The following PRKAR1A variants were observed in gnomAD, a reference collection of about 807,000 sequenced individuals.
PRKAR1A encodes cAMP-dependent protein kinase type I-alpha regulatory subunit.
In PRKAR1A, 3 loss-of-function variants were observed where a neutral mutation model predicts 52.0. The observed-to-expected ratio is 0.06, with a 90% CI of 0.03 to 0.15. The LOEUF (loss-of-function observed/expected upper bound fraction) is 0.15, where lower values mean the gene tolerates loss of function less well. PRKAR1A is among the 10% of genes least tolerant of loss of function. PRKAR1A has a pLI of 1.00. For synonymous variants in PRKAR1A, 188 were observed against 168.4 expected (o/e 1.12, Z -0.90); for missense variants, 240 against 477.4 (o/e 0.50, Z 4.63).
the PRKAR1A span, among the ~76,000 whole-genome samples, chr17:68,468,927 G>T: frequency 1.3e-5 from 2 of 152,120 alleles, no homozygotes; most frequent in Non-Finnish European, 2.9e-5. Flanking sequence ...CCAGGGATCT[G>T]TTCCACAGAT....
At chr17:68,540,939 A>C in intron 11 of PRKAR1A, 1 of 1,594,958 alleles carries the variant, frequency 6.3e-7, no homozygotes, top group Non-Finnish European at 8.5e-7. Flanking sequence ...GTGTCACAGT[A>C]AAGGGGATTG....
chr17:68,468,614 C>T, the PRKAR1A span, among the ~76,000 whole-genome samples: 1 of 152,112 alleles, frequency 6.6e-6, no homozygotes, highest in Non-Finnish European at 1.5e-5. Flanking sequence ...CCTATTATGT[C>T]CATGATCTCC....
chr17:68,545,021 T>A (rs1299403524), intron 11 of PRKAR1A, among the ~76,000 whole-genome samples: 1 of 152,266 alleles, frequency 6.6e-6, no homozygotes, highest in Non-Finnish European at 1.5e-5. Flanking sequence ...TATAAATCTT[T>A]ATGTTCCTAA....
In PRKAR1A at chr17:68,531,059, T is replaced by C; in HGVS notation, c.*610T>C. On this transcript the variant is annotated 3_prime_UTR_variant, in exon 11 of 11. Transcript: ENST00000589228. ...TTTCCAGAGTTGTTGTTTGCCAAGC[T>C]AATCTGCCTGGTTTTATTTATATCT... The C allele has an allele frequency of 3.7e-6, 4 of 1,068,076 alleles. No individual in the cohort carries two copies. Among genetic ancestry groups the C allele is most frequent in the Non-Finnish European group, 4.5e-6 (4 of 881,534 alleles). 66.2% of individuals were successfully genotyped at this position (1,068,076 alleles called of 1,614,324 possible). A position where few individuals can be genotyped will look rare whatever the true frequency, so the allele number is the denominator to read the frequency against.
chr17:68,521,482 C>T (rs1013544207), intron 2 of PRKAR1A, among the ~76,000 whole-genome samples: 13 of 152,238 alleles, frequency 8.5e-5, no homozygotes, highest in East Asian at 5.8e-4. Flanking sequence ...CTGCCACCTT[C>T]GGCCTCCCAA....
chr17:68,536,323 A>C (rs1156830330), downstream of PRKAR1A: 1 of 454,060 alleles, frequency 2.2e-6, no homozygotes, highest in Non-Finnish European at 4.4e-6. Context: ...TTGTTGACTG[A>C]CTAGTCACTC....
At chr17:68,441,220 A>G in the PRKAR1A span, 1 of 152,258 alleles carries the variant, frequency 6.6e-6, no homozygotes, top group Non-Finnish European at 1.5e-5. Flanking sequence ...CTGTCTGGCC[A>G]AGCTCTTTAA....
the PRKAR1A span, among the ~76,000 whole-genome samples, chr17:68,437,201 T>C: frequency 6.6e-6 from 1 of 152,142 alleles, no homozygotes; most frequent in African/African-American, 2.4e-5. Flanking sequence ...GATGATTATA[T>C]ACTGTTGGCC....
the PRKAR1A span, among the ~76,000 whole-genome samples, chr17:68,458,542 G>A: frequency 6.6e-6 from 1 of 152,114 alleles, no homozygotes; most frequent in Non-Finnish European, 1.5e-5. Context: ...AGACCTATCC[G>A]ATCCGCAGCT....
At chr17:68,480,372 G>A in the PRKAR1A span, among the ~76,000 whole-genome samples, 1 of 152,064 alleles carries the variant, frequency 6.6e-6, no homozygotes, top group African/African-American at 2.4e-5. Flanking sequence ...TGTTTCTTCT[G>A]TTAGGTGCCC....
chr17:68,498,168 G>T, the PRKAR1A span, among the ~76,000 whole-genome samples: 1 of 152,120 alleles, frequency 6.6e-6, no homozygotes, highest in Non-Finnish European at 1.5e-5. Flanking sequence ...TTGGCAGCTG[G>T]TGCACTTCCT....
chr17:68,540,649 T>G, intron 11 of PRKAR1A: 1 of 709,676 alleles, frequency 1.4e-6, no homozygotes, highest in Non-Finnish European at 2.5e-6. Flanking sequence ...GACGACCCCT[T>G]GAGCTTCTTC....
chr17:68,462,399 A>G, the PRKAR1A span, among the ~76,000 whole-genome samples: 1 of 152,236 alleles, frequency 6.6e-6, no homozygotes, highest in Admixed American at 6.5e-5. Flanking sequence ...GCATCTTCGC[A>G]CTGGTCAAGA....
At chr17:68,427,032 A>AC in the PRKAR1A span, 2 of 939,286 alleles carry the variant, frequency 2.1e-6, no homozygotes, top group South Asian at 1.5e-5. Context: ...AGGGCACTCC[A>AC]CCCCCAGGTA....
intron 3 of PRKAR1A, among the ~76,000 whole-genome samples, chr17:68,523,365 G>T (rs535508787): frequency 6.6e-6 from 1 of 152,178 alleles, no homozygotes; most frequent in Admixed American, 6.5e-5. Context: ...CCTGGCACTT[G>T]AGGCTTGTGA....
chr17:68,445,151 C>T, the PRKAR1A span, among the ~76,000 whole-genome samples: 2 of 152,114 alleles, frequency 1.3e-5, no homozygotes, highest in Admixed American at 1.3e-4. Flanking sequence ...AACTCCCGAC[C>T]TCAGGTGATC....
chr17:68,464,995 C>T, the PRKAR1A span, among the ~76,000 whole-genome samples: 474 of 150,188 alleles, frequency 3.2e-3, 3 homozygotes, highest in African/African-American at 0.011. Context: ...GCGTGATCTC[C>T]GCTCACTGCA....
At chr17:68,487,276 A>G in the PRKAR1A span, among the ~76,000 whole-genome samples, 1 of 152,230 alleles carries the variant, frequency 6.6e-6, no homozygotes, top group Non-Finnish European at 1.5e-5. Context: ...AGAAAAATGT[A>G]GATAACCAAC....
chr17:68,421,878 T>C, the PRKAR1A span: 6 of 1,609,644 alleles, frequency 3.7e-6, no homozygotes, highest in Non-Finnish European at 5.1e-6. Context: ...GGTAGGCAGG[T>C]GCATTATCAA....
Sources: gnomAD v4.1 joint callset for allele counts (sites outside exome capture counted in the v4.1 genomes callset) on GRCh38, gnomAD v4.1.1 for gene constraint, MANE v1.5 for transcripts, NCBI Gene and HGNC (gene_info 2026-07-23, HGNC 2026-07-21) for gene names.